The following GAS2 variants were observed in gnomAD, a reference collection of about 807,000 sequenced individuals.
GAS2 encodes growth arrest-specific protein 2.
GAS2 carries 20 observed loss-of-function variants against 37.5 expected under a neutral mutation model. The ratio of observed to expected loss-of-function variants is 0.53; its 90% CI spans 0.37 to 0.77. GAS2 has a LOEUF of 0.77. Ranked by LOEUF, GAS2 falls within the 30% of genes least tolerant of loss-of-function variation. GAS2 has a pLI of 0.00. For synonymous variants in GAS2, 144 were observed against 132.2 expected (o/e 1.09, Z -0.61); for missense variants, 336 against 373.4 (o/e 0.90, Z 0.82).
intron 3 of GAS2, among the ~76,000 whole-genome samples, chr11:22,721,368 G>A (rs1163581359): frequency 1.3e-5 from 2 of 151,966 alleles, no homozygotes; most frequent in African/African-American, 4.8e-5. Flanking sequence ...TGCGCTTCAT[G>A]ACACCATAAC....
intron 1 of GAS2, among the ~76,000 whole-genome samples, chr11:22,640,272 A>G (rs1858893494): frequency 6.6e-6 from 1 of 152,214 alleles, no homozygotes; most frequent in South Asian, 2.1e-4. Flanking sequence ...CGTAACATGT[A>G]ATAATAGATG....
intron 4 of GAS2, among the ~76,000 whole-genome samples, chr11:22,734,591 T>C (rs1852652047): frequency 6.6e-6 from 1 of 151,552 alleles, no homozygotes; most frequent in Non-Finnish European, 1.5e-5. Flanking sequence ...CCAAATAAAA[T>C]AATAATGAAA....
At chr11:22,653,577 T>A (rs569335290) in intron 1 of GAS2, among the ~76,000 whole-genome samples, 2 of 152,346 alleles carry the variant, frequency 1.3e-5, no homozygotes, top group African/African-American at 4.8e-5. Context: ...ATAATCCATT[T>A]ATTCTTTCAA....
intron 1 of GAS2, among the ~76,000 whole-genome samples, chr11:22,657,008 A>C (rs1848863393): frequency 3.3e-5 from 5 of 152,214 alleles, no homozygotes; most frequent in Admixed American, 3.3e-4. Flanking sequence ...GTGGGAGTGA[A>C]AGAGCATTGT....
intron 2 of GAS2, among the ~76,000 whole-genome samples, chr11:22,681,471 C>G (rs1849681358): frequency 1.3e-5 from 2 of 152,198 alleles, no homozygotes; most frequent in South Asian, 2.1e-4. Flanking sequence ...GAAACTATTA[C>G]TTCTAAACTA....
chr11:22,684,506 C>G (rs598393), intron 2 of GAS2, among the ~76,000 whole-genome samples: 55,678 of 151,624 alleles, frequency 0.37, 11,162 homozygotes, highest in African/African-American at 0.55. Flanking sequence ...ATAATTTACA[C>G]AAAAAATTAA....
At chr11:22,719,098 C>T (rs1211756286) in intron 3 of GAS2, among the ~76,000 whole-genome samples, 1 of 151,996 alleles carries the variant, frequency 6.6e-6, no homozygotes, top group Non-Finnish European at 1.5e-5. Context: ...GTGATGTTTT[C>T]ATATATGCAT....
intron 3 of GAS2, among the ~76,000 whole-genome samples, chr11:22,689,013 A>G (rs1320826532): frequency 8.5e-5 from 13 of 152,186 alleles, no homozygotes; most frequent in Non-Finnish European, 1.9e-4. Flanking sequence ...GAAGGCCATT[A>G]TCTTAAGCAA....
intron 7 of GAS2, among the ~76,000 whole-genome samples, chr11:22,807,563 T>C (rs1856959678): frequency 6.6e-6 from 1 of 152,168 alleles, no homozygotes; most frequent in Admixed American, 6.5e-5. Flanking sequence ...AGTTACTGCC[T>C]ACAGAACAAC....
At chr11:22,694,480 C>A (rs1850401082) in intron 3 of GAS2, among the ~76,000 whole-genome samples, 2 of 152,116 alleles carry the variant, frequency 1.3e-5, no homozygotes, top group South Asian at 4.1e-4. Flanking sequence ...TTATTCTTCA[C>A]CCTTTAGTGA....
chr11:22,750,608 C>T (rs1191310935), intron 6 of GAS2, among the ~76,000 whole-genome samples: 1 of 151,888 alleles, frequency 6.6e-6, no homozygotes, highest in Non-Finnish European at 1.5e-5. Flanking sequence ...GGTCATATAC[C>T]TTGCTTTTCA....
chr11:22,738,447 T>C (rs144084372), intron 5 of GAS2, among the ~76,000 whole-genome samples: 1 of 152,162 alleles, frequency 6.6e-6, no homozygotes. Flanking sequence ...TTGCATACCA[T>C]CAGACAGGGC....
chr11:22,708,610 G>A (rs962283444), intron 3 of GAS2, among the ~76,000 whole-genome samples: 5 of 152,024 alleles, frequency 3.3e-5, no homozygotes, highest in South Asian at 2.1e-4. Context: ...TCTGCTGCCC[G>A]TGACTATATA....
intron 3 of GAS2, among the ~76,000 whole-genome samples, chr11:22,697,882 A>G (rs1428645834): frequency 1.3e-5 from 2 of 152,170 alleles, no homozygotes; most frequent in East Asian, 1.9e-4. Context: ...CAATCATGTC[A>G]TCTGCAAACA....
At chr11:22,701,438 TGAA>T in intron 3 of GAS2, among the ~76,000 whole-genome samples, 1 of 152,188 alleles carries the variant, frequency 6.6e-6, no homozygotes, top group East Asian at 1.9e-4. Context: ...GTGATTTAAA[TGAA>T]GATAGAATAC....
At chr11:22,708,156 A>G (rs1426610746) in intron 3 of GAS2, among the ~76,000 whole-genome samples, 2 of 152,180 alleles carry the variant, frequency 1.3e-5, no homozygotes, top group African/African-American at 4.8e-5. Flanking sequence ...ATTTGAGACA[A>G]TATGATGATT....
chr11:22,765,083 A>G (rs1411845229), intron 7 of GAS2, among the ~76,000 whole-genome samples: 1 of 152,212 alleles, frequency 6.6e-6, no homozygotes, highest in Admixed American at 6.5e-5. Flanking sequence ...CACAGCTTCT[A>G]TAATCTGCAT....
chr11:22,717,696 TGAGA>T (rs1196097480), intron 3 of GAS2, among the ~76,000 whole-genome samples: 1 of 151,882 alleles, frequency 6.6e-6, no homozygotes, highest in African/African-American at 2.4e-5. Flanking sequence ...ACCCACAGTA[TGAGA>T]GAAATATTCA....
Position 22,782,742 on chromosome 11 carries a change from T to A in GAS2, c.723+26789T>A, listed in dbSNP as rs77315353. Among the ~76,000 whole-genome samples, 978 of 118,664 alleles carry A rather than the reference T, an allele frequency of 8.2e-3. 9 individuals carry two copies. Among genetic ancestry groups the A allele is most frequent in the East Asian group, 0.031 (119 of 3,818 alleles). The allele number at this position is 118,664 out of a possible 152,430, so 77.8% of individuals were successfully genotyped here. A position where few individuals can be genotyped will look rare whatever the true frequency, so the allele number is the denominator to read the frequency against. Reference sequence around the variant, plus strand: ...CATGTTGCTGCAAAAAAAAAAAAAATAATAATAATAATGTGATTTTGTTCT... The same window carrying A: ...CATGTTGCTGCAAAAAAAAAAAAAAAAATAATAATAATGTGATTTTGTTCT... On this transcript the variant is annotated intron_variant, in intron 7 of 7. Transcript: ENST00000454584.
Sources: gnomAD v4.1 joint callset for allele counts (sites outside exome capture counted in the v4.1 genomes callset) on GRCh38, gnomAD v4.1.1 for gene constraint, MANE v1.5 for transcripts, NCBI Gene and HGNC (gene_info 2026-07-23, HGNC 2026-07-21) for gene names.